Variants in PIEZO2 observed in about 807,000 individuals in gnomAD.
PIEZO2 encodes the protein piezo type mechanosensitive ion channel component 2.
In PIEZO2, 172 loss-of-function variants were observed where a neutral mutation model predicts 337.3. That is an observed-to-expected ratio of 0.51 (90% confidence interval 0.45 to 0.58). PIEZO2 has a LOEUF of 0.58. PIEZO2 is among the 20% of genes least tolerant of loss of function. The pLI is 0.00. For synonymous variants in PIEZO2, 1,251 were observed against 1,228.5 expected (o/e 1.02, Z -0.38); for missense variants, 3,028 against 3,391.3 (o/e 0.89, Z 2.66).
intron 42 of PIEZO2, among the ~76,000 whole-genome samples, chr18:10,703,179 T>C (rs1327951884): frequency 6.6e-6 from 1 of 152,214 alleles, no homozygotes; most frequent in African/African-American, 2.4e-5. Context: ...GAAGCTCTTG[T>C]TCCCTTTTCC....
At chr18:11,046,747 G>A (rs1022084341) in intron 2 of PIEZO2, among the ~76,000 whole-genome samples, 1 of 152,184 alleles carries the variant, frequency 6.6e-6, no homozygotes, top group Non-Finnish European at 1.5e-5. Context: ...AGTTCTGCAC[G>A]GAATGGTCAT....
At chr18:10,680,413 A>G in intron 51 of PIEZO2, 42 bp from the exon 52 acceptor site, 2 of 1,547,548 alleles carry the variant, frequency 1.3e-6, no homozygotes, top group South Asian at 2.3e-5. Flanking sequence ...GATTATATGC[A>G]TCATGCTGTA....
At chr18:11,054,526 C>T (rs1223023469) in intron 2 of PIEZO2, among the ~76,000 whole-genome samples, 5 of 152,134 alleles carry the variant, frequency 3.3e-5, no homozygotes, top group South Asian at 4.1e-4. Flanking sequence ...AGGCAACCTT[C>T]GGGCAAAAAA....
intron 39 of PIEZO2, among the ~76,000 whole-genome samples, 162 bp downstream of exon 39, chr18:10,714,602 G>A (rs190950347): frequency 1.3e-4 from 20 of 152,316 alleles, no homozygotes; most frequent in Middle Eastern, 3.4e-3. Context: ...TGAGGACAAT[G>A]TTCCTTATAG....
At position 10,726,405 on chromosome 18, in the gene PIEZO2, C is replaced by G; in HGVS notation, c.5029+5002G>C. 6.5e-7 allele frequency: 1 copy of G among 1,528,038 alleles called. No homozygotes were observed. The highest frequency in any genetic ancestry group is 8.7e-7 in the Non-Finnish European group (1 of 1,144,224). 94.7% of individuals were successfully genotyped at this position (1,528,038 alleles called of 1,614,324 possible). A position where few individuals can be genotyped will look rare whatever the true frequency, so the allele number is the denominator to read the frequency against. ...GCGGGGCGGTAACAACGCGCGCCAG[C>G]CGTGGCACAACGCGGAGGGCCGGCT... is the stretch of plus-strand genomic sequence containing the variant. On this transcript the variant is annotated intron_variant, in intron 36 of 55. Coordinates refer to ENST00000674853, the MANE Select transcript of PIEZO2 (RefSeq NM_001378183.1). The surrounding 1 kb of genome is among the most constrained non-coding windows in gnomAD (Gnocchi z 5.9).
chr18:11,004,683 T>C (rs1427818992), intron 2 of PIEZO2, among the ~76,000 whole-genome samples: 1 of 152,222 alleles, frequency 6.6e-6, no homozygotes, highest in Non-Finnish European at 1.5e-5. Flanking sequence ...TTGAGGCCAA[T>C]GGATCTCCTT....
Position 10,759,463 on chromosome 18 carries a change from C to T in PIEZO2, c.3757+19G>A. On this transcript the variant is annotated intron_variant, in intron 26 of 55. Coordinates refer to ENST00000674853, the MANE Select transcript of PIEZO2 (RefSeq NM_001378183.1). This position sits in a 1 kb window ranked among gnomAD's most constrained non-coding sequence, Gnocchi z 5.5. ...ACCCGGATACCAGCACTCTGTGGCCCTGCAGTGGAAACACTTACAGACGAG... is the reference window on the plus strand; with the variant it reads ...ACCCGGATACCAGCACTCTGTGGCCTTGCAGTGGAAACACTTACAGACGAG... 6.6e-7 allele frequency: 1 copy of T among 1,525,174 alleles called. No individual in the cohort carries two copies. Among genetic ancestry groups the T allele is most frequent in the Non-Finnish European group, 8.8e-7 (1 of 1,136,800 alleles). 94.5% of individuals were successfully genotyped at this position (1,525,174 alleles called of 1,614,324 possible).
intron 18 of PIEZO2, among the ~76,000 whole-genome samples, chr18:10,778,905 CA>C (rs1162386028): frequency 6.6e-6 from 1 of 152,212 alleles, no homozygotes; most frequent in African/African-American, 2.4e-5. Flanking sequence ...TTATGGGTCT[CA>C]GCTTTCTCTT....
rs2039407074 is a variant in PIEZO2, at chr18:11,101,059, T to C, written c.65-34837A>G. On this transcript the variant is annotated intron_variant, in intron 1 of 55. Transcript: ENST00000674853. This position sits in a 1 kb window ranked among gnomAD's most constrained non-coding sequence, Gnocchi z 4.4. ...GGAGATGCAGCTTCAGAGAGTTTAA[T>C]GGGCATGGCATCCCCAGGGGACAGA... Among the ~76,000 whole-genome samples the C allele has an allele frequency of 1.3e-5, 2 of 152,208 alleles. No homozygotes were observed. The highest frequency in any genetic ancestry group is 4.8e-5 in the African/African-American group (2 of 41,458).
intron 36 of PIEZO2, chr18:10,725,392 C>A: frequency 6.2e-7 from 1 of 1,605,880 alleles, no homozygotes; most frequent in Non-Finnish European, 8.5e-7. Context: ...AACAGCCGGC[C>A]CACATTGGCG....
chr18:11,066,442 C>A (rs2038153901), intron 1 of PIEZO2, among the ~76,000 whole-genome samples: 1 of 152,184 alleles, frequency 6.6e-6, no homozygotes, highest in African/African-American at 2.4e-5. Flanking sequence ...TACATCATCA[C>A]TGGTCTTAAA....
At position 10,872,024 on chromosome 18, in the gene PIEZO2, C is replaced by A. The variant is rs766471952; in HGVS notation, c.330-609G>T. ...GTTGCATCCTGCTGGGGGCTTCTCA[C>A]AGCCATCTGTTCTGCTGTGCTGAGG... On this transcript the variant is annotated intron_variant, in intron 4 of 55. Transcript: ENST00000674853. This position sits in a 1 kb window ranked among gnomAD's most constrained non-coding sequence, Gnocchi z 4.3. Among the ~76,000 whole-genome samples, 1 of 152,212 alleles carries A rather than the reference C, an allele frequency of 6.6e-6. No individual in the cohort carries two copies. The highest frequency in any genetic ancestry group is 1.5e-5 in the Non-Finnish European group (1 of 68,038).
intron 2 of PIEZO2, among the ~76,000 whole-genome samples, chr18:11,024,547 G>GAAA (rs569472740): frequency 1.9e-5 from 2 of 104,046 alleles, no homozygotes; most frequent in Non-Finnish European, 4.0e-5. Flanking sequence ...CTCTGTCTCA[G>GAAA]AAAAAAAAAA....
intron 1 of PIEZO2, among the ~76,000 whole-genome samples, chr18:11,090,934 T>G (rs980763768): frequency 7.4e-6 from 1 of 135,422 alleles, no homozygotes; most frequent in Non-Finnish European, 1.6e-5. Flanking sequence ...AAAAAAAAAG[T>G]AGATGTGGGG....
chr18:10,700,294 T>A (rs1208031723), intron 43 of PIEZO2, among the ~76,000 whole-genome samples: 1 of 152,158 alleles, frequency 6.6e-6, no homozygotes, highest in African/African-American at 2.4e-5. Flanking sequence ...TTTTGAAATT[T>A]CTGCAGTTTT....
chr18:10,700,624 C>A (rs1178653511), intron 43 of PIEZO2, among the ~76,000 whole-genome samples: 1 of 151,794 alleles, frequency 6.6e-6, no homozygotes, highest in Non-Finnish European at 1.5e-5. Flanking sequence ...TTAAATGATA[C>A]AAAAGAATGT....
chr18:10,725,067 T>G, intron 36 of PIEZO2: 1 of 1,537,644 alleles, frequency 6.5e-7, no homozygotes, highest in South Asian at 1.1e-5. Flanking sequence ...ACGTGGACCG[T>G]GAGGGAGACA....
chr18:11,016,086 C>CT lies in PIEZO2; in HGVS notation c.161-36427dup, dbSNP rs2036109792. Among the ~76,000 whole-genome samples, 1 of 152,138 alleles carries CT rather than the reference C, an allele frequency of 6.6e-6. No individual in the cohort carries two copies. The highest frequency in any genetic ancestry group is 2.4e-5 in the African/African-American group (1 of 41,422). On this transcript the variant is annotated intron_variant, in intron 2 of 55. Transcript: ENST00000674853. The surrounding 1 kb of genome is among the most constrained non-coding windows in gnomAD (Gnocchi z 5.6). Reference sequence around the variant, plus strand: ...CATTCTTCCTCCTTCTCCATTGCTCCTGTAGACCCAAACCAACAACAGCAG... The same window carrying CT: ...CATTCTTCCTCCTTCTCCATTGCTCCTTGTAGACCCAAACCAACAACAGCAG...
At chr18:10,687,502 T>C (rs1313592966) in intron 49 of PIEZO2, among the ~76,000 whole-genome samples, 1 of 152,094 alleles carries the variant, frequency 6.6e-6, no homozygotes, top group African/African-American at 2.4e-5. Context: ...TTAGTCTTAG[T>C]CAATGTTTAT....
Sources: allele counts gnomAD v4.1 joint callset (sites outside exome capture counted in the v4.1 genomes callset), GRCh38; gene constraint gnomAD v4.1.1; non-coding constraint Gnocchi (gnomAD v3.1); transcripts MANE v1.5; gene names NCBI Gene and HGNC (gene_info 2026-07-23, HGNC 2026-07-21).